BCAS3: variants seen among roughly 807,000 people sequenced by gnomAD.
BCAS3 encodes BCAS4/BCAS3 fusion.
BCAS3 carries 53 observed loss-of-function variants against 116.1 expected under a neutral mutation model. The observed-to-expected ratio is 0.46, with a 90% confidence interval of 0.37 to 0.57. The LOEUF is 0.57. Ranked by LOEUF, BCAS3 falls within the 20% of genes least tolerant of loss-of-function variation. The pLI is 0.00. For synonymous variants in BCAS3, 391 were observed against 408.2 expected, an observed-to-expected ratio of 0.96 and a Z score of 0.51; for missense variants, 917 against 1,165.4, an observed-to-expected ratio of 0.79 and a Z score of 3.10.
At chr17:60,848,730 G>C (rs1435653391) in intron 7 of BCAS3, among the ~76,000 whole-genome samples, 1 of 150,792 alleles carries the variant, frequency 6.6e-6, no homozygotes, top group African/African-American at 2.4e-5. Flanking sequence ...TCAGGGTCTT[G>C]CTCTGTCACC....
intron 22 of BCAS3, among the ~76,000 whole-genome samples, chr17:61,301,507 G>T (rs945380603): frequency 6.6e-6 from 1 of 152,036 alleles, no homozygotes; most frequent in African/African-American, 2.4e-5. Flanking sequence ...CGTGGTGGCA[G>T]GTGCCTGTAA....
intron 19 of BCAS3, chr17:61,070,395 ATATATC>A (rs1331475770): frequency 1.8e-5 from 3 of 168,382 alleles, no homozygotes; most frequent in Non-Finnish European, 3.4e-5. Context: ...ATATATATAT[ATATATC>A]TTTTCACCAT....
chr17:60,930,604 C>T (rs560716622), intron 13 of BCAS3, among the ~76,000 whole-genome samples: 36 of 152,070 alleles, frequency 2.4e-4, no homozygotes, highest in South Asian at 1.7e-3. Context: ...TACAGGTGTG[C>T]GCCACTGCAC....
Position 61,302,619 on chromosome 17 carries a change from AT to A in BCAS3, c.2426-65704del, listed in dbSNP as rs2053540231. On this transcript the variant is annotated intron_variant, in intron 22 of 23. Coordinates refer to ENST00000407086, the MANE Select transcript of BCAS3 (RefSeq NM_017679.5). The surrounding 1 kb of genome is among the most constrained non-coding windows in gnomAD (Gnocchi z 4.4). ...CAAGGTGCATATCATTATTACTCCC[AT>A]TTTCTTGCTAAGGAAACTAAGATTT... is the stretch of plus-strand genomic sequence containing the variant. Among the ~76,000 whole-genome samples, 1 of 152,010 alleles carries A rather than the reference AT, an allele frequency of 6.6e-6. No individual in the cohort carries two copies. The highest frequency in any genetic ancestry group is 6.6e-5 in the Admixed American group (1 of 15,254).
intron 22 of BCAS3, among the ~76,000 whole-genome samples, chr17:61,129,827 C>T (rs142187133): frequency 1.1e-3 from 173 of 152,348 alleles, no homozygotes; most frequent in Non-Finnish European, 2.1e-3. Flanking sequence ...TTGAGCTACT[C>T]TTCAAGGTCT....
intron 9 of BCAS3, among the ~76,000 whole-genome samples, chr17:60,885,804 C>G (rs1322202270): frequency 6.9e-6 from 1 of 144,018 alleles, no homozygotes; most frequent in Non-Finnish European, 1.5e-5. Flanking sequence ...GGGTTTCTGC[C>G]GAGAGATCTG....
chr17:60,917,928 A>G (rs1005031122), intron 12 of BCAS3, among the ~76,000 whole-genome samples: 2 of 152,166 alleles, frequency 1.3e-5, no homozygotes, highest in Admixed American at 1.3e-4. Flanking sequence ...TTGTGTGAAC[A>G]TTGGTGTACA....
At chr17:60,983,975 C>A (rs939539492) in intron 14 of BCAS3, among the ~76,000 whole-genome samples, 5 of 152,188 alleles carry the variant, frequency 3.3e-5, no homozygotes, top group African/African-American at 1.2e-4. Flanking sequence ...GACCCCTGAT[C>A]TATTCAGAAA....
intron 22 of BCAS3, among the ~76,000 whole-genome samples, chr17:61,152,786 G>A (rs2077612584): frequency 6.6e-6 from 1 of 151,978 alleles, no homozygotes; most frequent in Non-Finnish European, 1.5e-5. Flanking sequence ...CTTTTAGTTT[G>A]GTGAGTATAC....
In BCAS3 at chr17:61,145,111, T is replaced by TCACC. The variant is rs2143961546; in HGVS notation, c.2425+60548_2425+60551dup. Among the ~76,000 whole-genome samples, 1 of 152,354 alleles carries TCACC rather than the reference T, an allele frequency of 6.6e-6. No homozygotes were observed. Among genetic ancestry groups the TCACC allele is most frequent in the South Asian group, 2.1e-4 (1 of 4,830 alleles). ...GAGGGAGATGCAACTTTGGCTCGCCTCACCGGCAGTAATTTAATTTTTCCT... is the reference window on the plus strand; with the variant it reads ...GAGGGAGATGCAACTTTGGCTCGCCTCACCCACCGGCAGTAATTTAATTTTTCCT... On this transcript the variant is annotated intron_variant, in intron 22 of 23. Coordinates refer to ENST00000407086, the MANE Select transcript of BCAS3 (RefSeq NM_017679.5). The surrounding 1 kb of genome is among the most constrained non-coding windows in gnomAD (Gnocchi z 5.0).
rs941305743 is a variant in BCAS3, at chr17:61,376,494, C to T, written c.2593+8000C>T. Among the ~76,000 whole-genome samples, 2 of 152,204 alleles carry T rather than the reference C, an allele frequency of 1.3e-5. No homozygotes were observed. Among genetic ancestry groups the T allele is most frequent in the African/African-American group, 4.8e-5 (2 of 41,460 alleles). The stretch of plus-strand genomic sequence containing the variant: ...AGATACCCAGGAAGGGTTAGTCTTT[C>T]GGCCTCCTGAAAGTAGGAATCGCTC... On this transcript the variant is annotated intron_variant, in intron 23 of 23. Coordinates refer to ENST00000407086, the MANE Select transcript of BCAS3 (RefSeq NM_017679.5). This position sits in a 1 kb window ranked among gnomAD's most constrained non-coding sequence, Gnocchi z 4.5.
chr17:60,876,080 T>A (rs1483020540), intron 9 of BCAS3, among the ~76,000 whole-genome samples: 1 of 152,034 alleles, frequency 6.6e-6, no homozygotes, highest in Non-Finnish European at 1.5e-5. Context: ...GTCTTTTGAT[T>A]TGCACAGTTG....
intron 22 of BCAS3, among the ~76,000 whole-genome samples, chr17:61,193,208 GC>G (rs1459467599): frequency 6.6e-6 from 1 of 152,140 alleles, no homozygotes; most frequent in Non-Finnish European, 1.5e-5. Flanking sequence ...GTTGCAGTGA[GC>G]CGAGATCATG....
intron 7 of BCAS3, among the ~76,000 whole-genome samples, chr17:60,812,029 G>T (rs2048875442): frequency 6.6e-6 from 1 of 151,924 alleles, no homozygotes; most frequent in African/African-American, 2.4e-5. Flanking sequence ...CTCCAGCCTG[G>T]GTGACAGAGT....
chr17:61,107,233 T>G (rs2074726513), intron 22 of BCAS3, among the ~76,000 whole-genome samples: 1 of 151,904 alleles, frequency 6.6e-6, no homozygotes, highest in Non-Finnish European at 1.5e-5. Context: ...ATTACAGGTG[T>G]GCACCACCAC....
At chr17:60,870,842 G>A (rs907778180) in intron 8 of BCAS3, among the ~76,000 whole-genome samples, 1 of 152,320 alleles carries the variant, frequency 6.6e-6, no homozygotes, top group Non-Finnish European at 1.5e-5. Flanking sequence ...ACGATGCCAT[G>A]TGAATTCTAA....
rs1478881320 is a variant in BCAS3 at position 61,028,424 on chromosome 17, T to C, written c.1638-6242T>C. Among the ~76,000 whole-genome samples, 2 of 151,900 alleles carry C rather than the reference T, an allele frequency of 1.3e-5. No individual in the cohort carries two copies. The highest frequency in any genetic ancestry group is 6.6e-5 in the Admixed American group (1 of 15,236). ...AAATAAGATACACAGATCTTACTTA[T>C]GAGCCTTCCAGTGATCAGTGAATTT... On this transcript the variant is annotated intron_variant, in intron 16 of 23. Coordinates refer to ENST00000407086, the MANE Select transcript of BCAS3 (RefSeq NM_017679.5). The surrounding 1 kb of genome is among the most constrained non-coding windows in gnomAD (Gnocchi z 4.3).
chr17:61,253,495 C>T (rs143912210), intron 22 of BCAS3, among the ~76,000 whole-genome samples: 3 of 152,120 alleles, frequency 2.0e-5, no homozygotes, highest in Non-Finnish European at 4.4e-5. Flanking sequence ...GTATTATTAG[C>T]ATTATACTAT....
chr17:60,885,984 G>A (rs1344327387), intron 9 of BCAS3, among the ~76,000 whole-genome samples: 5 of 126,942 alleles, frequency 3.9e-5, no homozygotes, highest in African/African-American at 9.9e-5. Flanking sequence ...GAATCTGAAC[G>A]TTGGCCTGCC....
Sources: gnomAD v4.1 joint callset for allele counts (sites outside exome capture counted in the v4.1 genomes callset) on GRCh38, gnomAD v4.1.1 for gene constraint, Gnocchi (gnomAD v3.1) non-coding constraint, MANE v1.5 for transcripts, NCBI Gene and HGNC (gene_info 2026-07-23, HGNC 2026-07-21) for gene names.